Variants in GABBR1 observed in about 807,000 individuals in gnomAD.
The protein encoded by GABBR1 is GABA-B receptor, R1 subunit.
GABBR1 carries 35 observed loss-of-function variants against 117.7 expected under a neutral mutation model. The observed-to-expected ratio is 0.30, with a 90% CI of 0.23 to 0.39. GABBR1 has a LOEUF of 0.39. Ranked by LOEUF, GABBR1 falls within the 10% of genes least tolerant of loss-of-function variation. GABBR1 has a pLI of 1.00. For missense variants in GABBR1, 709 were observed against 1,241.8 expected (o/e 0.57, Z 6.45); for synonymous variants, 442 against 486.6 (o/e 0.91, Z 1.21).
rs28383952 is a variant in GABBR1 at position 29,616,983 on chromosome 6, TAAAAAAAAAA to T, written c.1324-3508_1324-3499del. 4.3e-3 allele frequency among the ~76,000 whole-genome samples: 306 copies of T among 71,676 alleles called. 6 individuals are homozygous for T. Among genetic ancestry groups the T allele is most frequent in the Middle Eastern group, 0.028 (4 of 144 alleles). The allele number at this position is 71,676 out of a possible 152,430, so 47.0% of individuals were successfully genotyped here. A position where few individuals can be genotyped will look rare whatever the true frequency, so the allele number is the denominator to read the frequency against. Reference sequence around the variant, plus strand: ...TAACACGGTGAAACCCCGTCTCTACTAAAAAAAAAAAAAAAAAAAAAAAAGTCTGTTGGAT... The same window carrying T: ...TAACACGGTGAAACCCCGTCTCTACTAAAAAAAAAAAAAAGTCTGTTGGAT... On this transcript the variant is annotated intron_variant, in intron 11 of 22. Transcript: ENST00000377034.
chr6:29,621,707 G>A lies in GABBR1; in HGVS notation c.1131+45C>T. 6.4e-7 allele frequency: 1 copy of A among 1,570,908 alleles called. No homozygotes were observed. Among genetic ancestry groups the A allele is most frequent in the African/African-American group, 1.4e-5 (1 of 74,010 alleles). On this transcript the variant is annotated intron_variant, in intron 10 of 22. Transcript: ENST00000377034. This position sits in a 1 kb window ranked among gnomAD's most constrained non-coding sequence, Gnocchi z 5.0. ...GAGGAGGCCCCACAAGAAAACCAAG[G>A]GAAACTCCCACCCAGTGCCCCTCCC... is the stretch of plus-strand genomic sequence containing the variant.
In GABBR1 at chr6:29,605,753, A is replaced by G; in HGVS notation, c.2312-57T>C. The G allele has an allele frequency of 1.9e-6, 3 of 1,587,616 alleles. No homozygotes were observed. Among genetic ancestry groups the G allele is most frequent in the Non-Finnish European group, 1.7e-6 (2 of 1,170,270 alleles). On this transcript the variant is annotated intron_variant, in intron 19 of 22. Transcript: ENST00000377034. This position sits in a 1 kb window ranked among gnomAD's most constrained non-coding sequence, Gnocchi z 4.2. ...CAAGGACCACAATGCTCCTCACTCAATCCCCATCCCCTCTCTGCCCTTCAC... is the reference window on the plus strand; with the variant it reads ...CAAGGACCACAATGCTCCTCACTCAGTCCCCATCCCCTCTCTGCCCTTCAC...
intron 11 of GABBR1, among the ~76,000 whole-genome samples, chr6:29,619,525 TCTC>T (rs1763532145): frequency 6.6e-6 from 1 of 152,140 alleles, no homozygotes; most frequent in African/African-American, 2.4e-5. Flanking sequence ...TCTCTCTCTC[TCTC>T]TTTTTGTTTA....
In GABBR1 at chr6:29,605,144, G is replaced by A. The variant is rs3025638; in HGVS notation, c.2440-156C>T. ...TCAGGATCATCCTCAAATATAGATT[G>A]AGAAAAATCTCAAACTGTCCCAAAC... On this transcript the variant is annotated intron_variant, in intron 20 of 22. Coordinates refer to ENST00000377034, the MANE Select transcript of GABBR1 (RefSeq NM_001470.4). This position sits in a 1 kb window ranked among gnomAD's most constrained non-coding sequence, Gnocchi z 4.2. 1.8e-3 allele frequency: 1,460 copies of A among 816,296 alleles called. 8 individuals carry two copies. The highest frequency in any genetic ancestry group is 2.6e-3 in the Middle Eastern group (7 of 2,652). 50.6% of individuals were successfully genotyped at this position (816,296 alleles called of 1,614,324 possible).
intron 11 of GABBR1, among the ~76,000 whole-genome samples, chr6:29,616,826 A>G (rs964058605): frequency 2.0e-5 from 3 of 147,424 alleles, no homozygotes; most frequent in South Asian, 4.4e-4. Context: ...CTGCCTGGGC[A>G]GCAGAGGGAT....
intron 5 of GABBR1, among the ~76,000 whole-genome samples, 186 bp downstream of exon 5, chr6:29,628,901 T>A (rs1052537708): frequency 3.1e-4 from 42 of 134,128 alleles, no homozygotes; most frequent in African/African-American, 1.2e-3. Context: ...CGCAGCCTCG[T>A]GGAAAACCGG....
In GABBR1 at chr6:29,605,392, A is replaced by G. The variant is rs2127390054; in HGVS notation, c.2439+177T>C. ...ACTGGGTAGTTGCAAGATTAATGAT[A>G]CAATGTCTGTAGTGAGCTTTGTAAA... On this transcript the variant is annotated intron_variant, in intron 20 of 22. Coordinates refer to ENST00000377034, the MANE Select transcript of GABBR1 (RefSeq NM_001470.4). The surrounding 1 kb of genome is among the most constrained non-coding windows in gnomAD (Gnocchi z 4.2). 1 of 715,214 alleles carries G rather than the reference A, an allele frequency of 1.4e-6. No homozygotes were observed. The highest frequency in any genetic ancestry group is 2.3e-6 in the Non-Finnish European group (1 of 426,240). The allele number at this position is 715,214 out of a possible 1,614,324, so 44.3% of individuals were successfully genotyped here. A position where few individuals can be genotyped will look rare whatever the true frequency, so the allele number is the denominator to read the frequency against.
Position 29,613,128 on chromosome 6 carries a change from A to T in GABBR1, c.1566+115T>A. On this transcript the variant is annotated intron_variant, in intron 12 of 22. Transcript: ENST00000377034. The surrounding 1 kb of genome is among the most constrained non-coding windows in gnomAD (Gnocchi z 4.1). ...TCCCTACTTCTCTGGTCGGAGACTGATTCTGCAAAGAAGTAACTGAGAAAA... is the reference window on the plus strand; with the variant it reads ...TCCCTACTTCTCTGGTCGGAGACTGTTTCTGCAAAGAAGTAACTGAGAAAA... 1.7e-6 allele frequency: 2 copies of T among 1,151,802 alleles called. No individual in the cohort carries two copies. The highest frequency in any genetic ancestry group is 2.5e-6 in the Non-Finnish European group (2 of 794,350). The allele number at this position is 1,151,802 out of a possible 1,614,324, so 71.3% of individuals were successfully genotyped here.
chr6:29,605,027 A>T lies in GABBR1; in HGVS notation c.2440-39T>A. On this transcript the variant is annotated intron_variant, in intron 20 of 22. Coordinates refer to ENST00000377034, the MANE Select transcript of GABBR1 (RefSeq NM_001470.4). This position sits in a 1 kb window ranked among gnomAD's most constrained non-coding sequence, Gnocchi z 4.2. ...CACATTGAGGGAGTCTCAGGTCTGC[A>T]GGCTCAGACAAGATCCAGAGTTTAC... is the stretch of plus-strand genomic sequence containing the variant. 6.4e-7 allele frequency: 1 copy of T among 1,570,020 alleles called. No homozygotes were observed. The highest frequency in any genetic ancestry group is 8.6e-7 in the Non-Finnish European group (1 of 1,160,868).
In GABBR1 at chr6:29,622,185, T is replaced by C; in HGVS notation, c.984A>G (p.Glu328=). Residue 328 remains glutamate, a synonymous_variant, in exon 9 of 23, where the codon GAA becomes GAG. Transcript: ENST00000377034. The surrounding 1 kb of genome is among the most constrained non-coding windows in gnomAD (Gnocchi z 4.6). ...VFTSTLDDLE[E]RVKEAGIEIT... is the part of the protein sequence containing the mutation. ...TCTCAATTCCAGCCTCCTTCACTCGTTCCTCCAGGTCGTCCAGAGTCTTGG... is the reference window on the plus strand; with the variant it reads ...TCTCAATTCCAGCCTCCTTCACTCGCTCCTCCAGGTCGTCCAGAGTCTTGG... The C allele has an allele frequency of 6.2e-7, 1 of 1,613,988 alleles. No homozygotes were observed. The highest frequency in any genetic ancestry group is 8.5e-7 in the Non-Finnish European group (1 of 1,179,890).
chr6:29,618,623 A>G (rs1337988667), intron 11 of GABBR1, among the ~76,000 whole-genome samples: 1 of 152,114 alleles, frequency 6.6e-6, no homozygotes, highest in Non-Finnish European at 1.5e-5. Flanking sequence ...CTCTACCCCA[A>G]TCAAGATTTC....
At position 29,605,012 on chromosome 6, in the gene GABBR1, G is replaced by A. The variant is rs200753831; in HGVS notation, c.2440-24C>T. 426 of 1,595,206 alleles carry A rather than the reference G, an allele frequency of 2.7e-4. No homozygotes were observed. The highest frequency in any genetic ancestry group is 3.1e-4 in the Non-Finnish European group (366 of 1,172,172). On this transcript the variant is annotated intron_variant, in intron 20 of 22. Coordinates refer to ENST00000377034, the MANE Select transcript of GABBR1 (RefSeq NM_001470.4). This position sits in a 1 kb window ranked among gnomAD's most constrained non-coding sequence, Gnocchi z 4.2. Reference sequence around the variant, plus strand: ...ACCTAGAGGGAAAGACACATTGAGGGAGTCTCAGGTCTGCAGGCTCAGACA... The same window carrying A: ...ACCTAGAGGGAAAGACACATTGAGGAAGTCTCAGGTCTGCAGGCTCAGACA...
At position 29,605,762 on chromosome 6, in the gene GABBR1, C is replaced by A. The variant is rs975380462; in HGVS notation, c.2312-66G>T. 1.3e-6 allele frequency: 2 copies of A among 1,568,918 alleles called. No individual in the cohort carries two copies. The highest frequency in any genetic ancestry group is 2.7e-5 in the African/African-American group (2 of 74,466). Reference sequence around the variant, plus strand: ...CAATGCTCCTCACTCAATCCCCATCCCCTCTCTGCCCTTCACCTACTCTGA... The same window carrying A: ...CAATGCTCCTCACTCAATCCCCATCACCTCTCTGCCCTTCACCTACTCTGA... On this transcript the variant is annotated intron_variant, in intron 19 of 22. Transcript: ENST00000377034. The surrounding 1 kb of genome is among the most constrained non-coding windows in gnomAD (Gnocchi z 4.2).
chr6:29,618,865 A>T (rs902176766), intron 11 of GABBR1, among the ~76,000 whole-genome samples: 5 of 152,188 alleles, frequency 3.3e-5, no homozygotes, highest in African/African-American at 1.2e-4. Flanking sequence ...GCTTCTACAC[A>T]TTAGATATCA....
Position 29,632,638 on chromosome 6 carries a change from C to T in GABBR1, c.-1+212G>A, listed in dbSNP as rs937421896. 2 of 1,442,566 alleles carry T rather than the reference C, an allele frequency of 1.4e-6. No individual in the cohort carries two copies. Among genetic ancestry groups the T allele is most frequent in the South Asian group, 1.3e-5 (1 of 77,486 alleles). The allele number at this position is 1,442,566 out of a possible 1,614,324, so 89.4% of individuals were successfully genotyped here. A position where few individuals can be genotyped will look rare whatever the true frequency, so the allele number is the denominator to read the frequency against. On this transcript the variant is annotated intron_variant, in intron 1 of 22. Transcript: ENST00000377034. The surrounding 1 kb of genome is among the most constrained non-coding windows in gnomAD (Gnocchi z 5.8). ...CCTCCCGGGACTCCACCTCTCACCACCTCCTCTCCCCCGGCCCCCGCGGCT... is the reference window on the plus strand; with the variant it reads ...CCTCCCGGGACTCCACCTCTCACCATCTCCTCTCCCCCGGCCCCCGCGGCT...
At position 29,609,388 on chromosome 6, in the gene GABBR1, C is replaced by T; in HGVS notation, c.1709-9G>A. ...AGCTGGGGGGGACCCTCCTGCATGG[C>T]ACAGGGGAGGAAGAGGGGAAGGGAA... On this transcript the variant is annotated splice_polypyrimidine_tract_variant and intron_variant, in intron 14 of 22. Transcript: ENST00000377034. This position sits in a 1 kb window ranked among gnomAD's most constrained non-coding sequence, Gnocchi z 4.3. 6.2e-7 allele frequency: 1 copy of T among 1,612,172 alleles called. No individual in the cohort carries two copies. Among genetic ancestry groups the T allele is most frequent in the Non-Finnish European group, 8.5e-7 (1 of 1,179,568 alleles).
chr6:29,623,890 C>T lies in GABBR1; in HGVS notation c.792G>A (p.Val264=), dbSNP rs527974892. The T allele has an allele frequency of 6.2e-7, 1 of 1,612,530 alleles. No homozygotes were observed. Among genetic ancestry groups the T allele is most frequent in the East Asian group, 2.2e-5 (1 of 44,880 alleles). Residue 264 remains valine (V), a splice_region_variant and synonymous_variant, in exon 7 of 23, where the codon GTG becomes GTA. Coordinates refer to ENST00000377034, the MANE Select transcript of GABBR1 (RefSeq NM_001470.4). The surrounding 1 kb of genome is among the most constrained non-coding windows in gnomAD (Gnocchi z 6.2). ...TTCTGACCCCCATAGCCCTGCTTAC[C>T]ACAATGAGGTTCCACATCCTAGCAG... ...AEAARMWNLI[V]LSYGSSSPAL...
rs188144047 is a variant in GABBR1, at chr6:29,602,793, C to T, written c.*750G>A. On this transcript the variant is annotated 3_prime_UTR_variant, in exon 23 of 23. Transcript: ENST00000377034. Reference sequence around the variant, plus strand: ...CAAATTGCACATGCCTACCCAAACACGCTCAAGGGCAGACCCATGACCATG... The same window carrying T: ...CAAATTGCACATGCCTACCCAAACATGCTCAAGGGCAGACCCATGACCATG... 68 of 348,936 alleles carry T rather than the reference C, an allele frequency of 1.9e-4. No individual in the cohort carries two copies. The highest frequency in any genetic ancestry group is 9.8e-4 in the South Asian group (45 of 45,742). The allele number at this position is 348,936 out of a possible 1,614,324, so 21.6% of individuals were successfully genotyped here. A position where few individuals can be genotyped will look rare whatever the true frequency, so the allele number is the denominator to read the frequency against.
rs1764987302 is a variant in GABBR1 at position 29,631,658 on chromosome 6, G to C, written c.86-59C>G. On this transcript the variant is annotated intron_variant, in intron 2 of 22. Transcript: ENST00000377034. The surrounding 1 kb of genome is among the most constrained non-coding windows in gnomAD (Gnocchi z 5.9). The stretch of plus-strand genomic sequence containing the variant: ...AATGGTGGGAAAGAGGAAAAGGCAG[G>C]CTCCCCAGTGGGAGGAAGGGGAGAG... The C allele has an allele frequency of 1.3e-6, 2 of 1,497,652 alleles. No homozygotes were observed. Among genetic ancestry groups the C allele is most frequent in the South Asian group, 1.1e-5 (1 of 88,398 alleles). 92.8% of individuals were successfully genotyped at this position (1,497,652 alleles called of 1,614,324 possible).
Sources: allele counts gnomAD v4.1 joint callset (sites outside exome capture counted in the v4.1 genomes callset), GRCh38; gene constraint gnomAD v4.1.1; non-coding constraint Gnocchi (gnomAD v3.1); transcripts MANE v1.5; gene names NCBI Gene and HGNC (gene_info 2026-07-23, HGNC 2026-07-21).